PRKCA: variants seen among roughly 807,000 people sequenced by gnomAD.
PRKCA encodes the protein protein kinase C alpha type.
A neutral mutation model predicts 87.0 loss-of-function variants in PRKCA; 27 were observed. That is an observed-to-expected ratio of 0.31 (90% confidence interval 0.23 to 0.43). PRKCA has a LOEUF of 0.43. PRKCA is among the 20% of genes least tolerant of loss of function. PRKCA has a pLI of 1.00. For synonymous variants in PRKCA, 329 were observed against 311.1 expected, an observed-to-expected ratio of 1.06 and a Z score of -0.61; for missense variants, 518 against 852.3, an observed-to-expected ratio of 0.61 and a Z score of 4.88.
At chr17:66,413,621 A>G (rs895282415) in intron 2 of PRKCA, among the ~76,000 whole-genome samples, 1 of 152,072 alleles carries the variant, frequency 6.6e-6, no homozygotes, top group African/African-American at 2.4e-5. Flanking sequence ...CCATTACCCA[A>G]CAGATTCCAA....
chr17:66,354,694 T>A (rs1907947964), intron 2 of PRKCA, among the ~76,000 whole-genome samples: 1 of 152,286 alleles, frequency 6.6e-6, no homozygotes, highest in Non-Finnish European at 1.5e-5. Context: ...AGCTCTTCCC[T>A]CTTAGGCCAT....
intron 2 of PRKCA, among the ~76,000 whole-genome samples, chr17:66,364,507 C>T (rs1015411430): frequency 6.6e-6 from 1 of 152,040 alleles, no homozygotes; most frequent in Non-Finnish European, 1.5e-5. Context: ...AAACAAGTAG[C>T]CCTGTATGGA....
intron 8 of PRKCA, among the ~76,000 whole-genome samples, chr17:66,716,577 G>A: frequency 6.6e-6 from 1 of 152,120 alleles, no homozygotes; most frequent in Non-Finnish European, 1.5e-5. Context: ...GCCTTTCCAG[G>A]AGGTGTTTAG....
chr17:66,805,193 G>A lies in PRKCA; in HGVS notation c.*1156G>A. The A allele has an allele frequency of 1.1e-6, 1 of 936,930 alleles. No individual in the cohort carries two copies. The highest frequency in any genetic ancestry group is 1.3e-6 in the Non-Finnish European group (1 of 785,820). 58.0% of individuals were successfully genotyped at this position (936,930 alleles called of 1,614,324 possible). A position where few individuals can be genotyped will look rare whatever the true frequency, so the allele number is the denominator to read the frequency against. On this transcript the variant is annotated 3_prime_UTR_variant, in exon 17 of 17. Coordinates refer to ENST00000413366, the MANE Select transcript of PRKCA (RefSeq NM_002737.3). ...GTTGAATGACAGGCCTGGAGCTGTA[G>A]AATCAGGAAACCCGGATGCCTAACA...
chr17:66,614,221 C>T (rs1284421065), intron 3 of PRKCA, among the ~76,000 whole-genome samples: 1 of 152,120 alleles, frequency 6.6e-6, no homozygotes, highest in African/African-American at 2.4e-5. Flanking sequence ...GAAACCTGGC[C>T]ACTCCATTTT....
At chr17:66,482,087 C>T (rs1378678631) in intron 2 of PRKCA, among the ~76,000 whole-genome samples, 2 of 88,200 alleles carry the variant, frequency 2.3e-5, no homozygotes, top group African/African-American at 9.7e-5. Flanking sequence ...GGCGACAGAG[C>T]AAGACTGTCT....
At chr17:66,520,760 A>T (rs952568457) in intron 3 of PRKCA, among the ~76,000 whole-genome samples, 2 of 152,114 alleles carry the variant, frequency 1.3e-5, no homozygotes, top group African/African-American at 2.4e-5. Context: ...CTTCATTCCT[A>T]TTCCAATGTG....
intron 2 of PRKCA, among the ~76,000 whole-genome samples, chr17:66,448,230 C>T (rs1337976060): frequency 1.3e-5 from 2 of 152,072 alleles, no homozygotes; most frequent in Non-Finnish European, 2.9e-5. Context: ...ACTTCTAAAC[C>T]TTAGGAAAAC....
chr17:66,736,409 C>G (rs550023621), intron 10 of PRKCA, among the ~76,000 whole-genome samples: 1 of 152,090 alleles, frequency 6.6e-6, no homozygotes, highest in South Asian at 2.1e-4. Context: ...TCTCGAGTAG[C>G]TGGGATTACA....
At chr17:66,428,987 A>T (rs1223217423) in intron 2 of PRKCA, among the ~76,000 whole-genome samples, 4 of 152,224 alleles carry the variant, frequency 2.6e-5, no homozygotes, top group African/African-American at 9.7e-5. Context: ...AGTTTGAGAT[A>T]AATTGTCTTA....
At chr17:66,703,310 T>C (rs1316431652) in intron 8 of PRKCA, 1 of 152,122 alleles carries the variant, frequency 6.6e-6, no homozygotes, top group African/African-American at 2.4e-5. Flanking sequence ...AAAAATTTTT[T>C]TTTTGACCCT....
At chr17:66,703,198 TTAAA>T (rs2144100554) in intron 8 of PRKCA, 1 of 152,334 alleles carries the variant, frequency 6.6e-6, no homozygotes, top group Admixed American at 6.5e-5. Flanking sequence ...ATAATAACAC[TTAAA>T]TAACACTTAA....
chr17:66,389,012 A>G (rs1432564869), intron 2 of PRKCA, among the ~76,000 whole-genome samples: 1 of 152,218 alleles, frequency 6.6e-6, no homozygotes, highest in Admixed American at 6.5e-5. Flanking sequence ...GTGGACATTG[A>G]TGGTGAAAGG....
intron 2 of PRKCA, among the ~76,000 whole-genome samples, chr17:66,359,356 G>A (rs1156416599): frequency 3.9e-5 from 6 of 152,010 alleles, no homozygotes; most frequent in African/African-American, 9.7e-5. Flanking sequence ...ATCTGCTGCC[G>A]GTTTCTTAAA....
chr17:66,565,985 G>T (rs1005436801), intron 3 of PRKCA, among the ~76,000 whole-genome samples: 1 of 152,178 alleles, frequency 6.6e-6, no homozygotes, highest in Admixed American at 6.5e-5. Context: ...GGACTAAAAT[G>T]CAGGAGCTGG....
intron 8 of PRKCA, among the ~76,000 whole-genome samples, chr17:66,721,395 CAAAAA>C (rs55795871): frequency 1.0e-5 from 1 of 98,248 alleles, no homozygotes. Context: ...GATTCCGTCT[CAAAAA>C]AAAAAAAAAA....
At chr17:66,433,660 A>G (rs1913218615) in intron 2 of PRKCA, among the ~76,000 whole-genome samples, 1 of 152,038 alleles carries the variant, frequency 6.6e-6, no homozygotes, top group Non-Finnish European at 1.5e-5. Flanking sequence ...TTCTCAGGCC[A>G]CAGCCTCCCG....
At chr17:66,417,883 G>T (rs1226943032) in intron 2 of PRKCA, among the ~76,000 whole-genome samples, 1 of 152,128 alleles carries the variant, frequency 6.6e-6, no homozygotes, top group African/African-American at 2.4e-5. Context: ...ATGCAACTGG[G>T]ATTTTTCTTA....
intron 3 of PRKCA, among the ~76,000 whole-genome samples, chr17:66,553,975 G>A (rs557041970): frequency 5.9e-4 from 90 of 152,176 alleles, no homozygotes; most frequent in Non-Finnish European, 1.0e-3. Context: ...AGCTAAAGTG[G>A]TTCAGAGGCT....
Sources: gnomAD v4.1 joint callset for allele counts (sites outside exome capture counted in the v4.1 genomes callset) on GRCh38, gnomAD v4.1.1 for gene constraint, MANE v1.5 for transcripts, NCBI Gene and HGNC (gene_info 2026-07-23, HGNC 2026-07-21) for gene names.